The following HYCC2 variants were observed in gnomAD, a reference collection of about 807,000 sequenced individuals.
HYCC2 encodes the protein hyccin PI4KA lipid kinase complex subunit 2.
the HYCC2 span, among the ~76,000 whole-genome samples, chr2:201,006,628 A>T: frequency 6.6e-6 from 1 of 152,084 alleles, no homozygotes; most frequent in South Asian, 2.1e-4. Context: ...TGTAAACTTG[A>T]GTGACTTCTC....
the HYCC2 span, among the ~76,000 whole-genome samples, chr2:201,056,303 C>G: frequency 2.0e-5 from 3 of 152,106 alleles, no homozygotes; most frequent in Non-Finnish European, 4.4e-5. Context: ...TGCCCATTTC[C>G]TGAATAATTC....
chr2:201,042,370 G>T, the HYCC2 span, among the ~76,000 whole-genome samples: 1 of 151,976 alleles, frequency 6.6e-6, no homozygotes, highest in Non-Finnish European at 1.5e-5. Flanking sequence ...CCTCTGCCCG[G>T]CCGCCACCCC....
the HYCC2 span, chr2:201,024,112 T>C: frequency 2.4e-6 from 2 of 828,620 alleles, no homozygotes; most frequent in Non-Finnish European, 4.0e-6. Context: ...GATATGTGCC[T>C]TTCACCAAGG....
the HYCC2 span, among the ~76,000 whole-genome samples, chr2:201,026,112 G>A: frequency 2.0e-5 from 3 of 152,102 alleles, no homozygotes; most frequent in Admixed American, 2.0e-4. Context: ...ATAAAGGGAT[G>A]GAGGAAGAGC....
At chr2:201,043,446 AAAAG>A in the HYCC2 span, among the ~76,000 whole-genome samples, 9 of 150,714 alleles carry the variant, frequency 6.0e-5, no homozygotes, top group Admixed American at 3.3e-4. Flanking sequence ...AAAAAAAAAA[AAAAG>A]AAAGAAAAAT....
chr2:201,063,464 G>C, the HYCC2 span: 2 of 1,590,926 alleles, frequency 1.3e-6, no homozygotes, highest in Non-Finnish European at 8.5e-7. Flanking sequence ...AGATTATTTT[G>C]AACAGTATGG....
At chr2:200,974,070 G>C in the HYCC2 span, 2 of 151,824 alleles carry the variant, frequency 1.3e-5, no homozygotes, top group Non-Finnish European at 2.9e-5. Flanking sequence ...AAAAAATGAA[G>C]GTTGTCACTA....
the HYCC2 span, among the ~76,000 whole-genome samples, chr2:201,039,070 A>C: frequency 6.6e-6 from 1 of 152,100 alleles, no homozygotes; most frequent in Non-Finnish European, 1.5e-5. Context: ...AGCTCTGTAT[A>C]TGGCTGGAAT....
chr2:201,064,127 A>C, the HYCC2 span: 3 of 1,212,388 alleles, frequency 2.5e-6, no homozygotes, highest in Non-Finnish European at 3.6e-6. Flanking sequence ...AGATTTGTGA[A>C]CTCAGCCAAG....
At chr2:201,042,490 C>T in the HYCC2 span, among the ~76,000 whole-genome samples, 1 of 151,494 alleles carries the variant, frequency 6.6e-6, no homozygotes, top group Non-Finnish European at 1.5e-5. Flanking sequence ...TGCCCCGCCG[C>T]GACCCCGTCT....
chr2:200,991,365 CG>C, the HYCC2 span, among the ~76,000 whole-genome samples: 1 of 151,962 alleles, frequency 6.6e-6, no homozygotes, highest in Non-Finnish European at 1.5e-5. Context: ...GTCAGGAGAT[CG>C]AGACCATCCT....
the HYCC2 span, among the ~76,000 whole-genome samples, chr2:201,040,051 G>A: frequency 6.6e-6 from 1 of 152,064 alleles, no homozygotes. Flanking sequence ...GTGGATGCCT[G>A]TAATCCCAGC....
At chr2:201,013,667 T>C in the HYCC2 span, among the ~76,000 whole-genome samples, 1 of 152,178 alleles carries the variant, frequency 6.6e-6, no homozygotes, top group Non-Finnish European at 1.5e-5. Flanking sequence ...CTTGAGGGTA[T>C]AACTTCTTTG....
At chr2:201,063,943 C>G in the HYCC2 span, 4 of 1,597,380 alleles carry the variant, frequency 2.5e-6, no homozygotes, top group South Asian at 3.3e-5. Context: ...GAGGCAGAAG[C>G]TCTGGCCCCT....
At chr2:201,061,270 T>G in the HYCC2 span, 1 of 151,932 alleles carries the variant, frequency 6.6e-6, no homozygotes, top group Non-Finnish European at 1.5e-5. Flanking sequence ...CTGTCTCTAC[T>G]AAATACTAAT....
chr2:201,033,149 ATG>A, the HYCC2 span, among the ~76,000 whole-genome samples: 1 of 114,758 alleles, frequency 8.7e-6, no homozygotes, highest in Non-Finnish European at 1.8e-5. Context: ...AGCTATTTGT[ATG>A]TGTGTGTATG....
the HYCC2 span, among the ~76,000 whole-genome samples, chr2:201,029,427 G>A: frequency 6.6e-6 from 1 of 152,124 alleles, no homozygotes; most frequent in African/African-American, 2.4e-5. Flanking sequence ...TTCTATTACT[G>A]GGTATATACC....
chr2:201,057,309 T>C, the HYCC2 span, among the ~76,000 whole-genome samples: 1 of 152,258 alleles, frequency 6.6e-6, no homozygotes, highest in Non-Finnish European at 1.5e-5. Context: ...CTTATGACTT[T>C]CTTTGACCAA....
At chr2:201,022,834 A>C in the HYCC2 span, 3 of 1,591,290 alleles carry the variant, frequency 1.9e-6, no homozygotes, top group Non-Finnish European at 2.6e-6. Context: ...CTCCTACCTC[A>C]TTATTTGAAT....
Sources: allele counts gnomAD v4.1 joint callset (sites outside exome capture counted in the v4.1 genomes callset), GRCh38; gene constraint gnomAD v4.1.1; transcripts MANE v1.5; gene names NCBI Gene and HGNC (gene_info 2026-07-23, HGNC 2026-07-21).